The following MED27 variants were observed in gnomAD, a reference collection of about 807,000 sequenced individuals.
MED27 encodes mediator complex subunit 27.
MED27 carries 30 observed loss-of-function variants against 38.2 expected under a neutral mutation model. The ratio of observed to expected loss-of-function variants is 0.79; its 90% CI spans 0.59 to 1.07. The LOEUF (loss-of-function observed/expected upper bound fraction) is 1.07, where lower values mean the gene tolerates loss of function less well. Among genes scored for constraint, MED27 ranks in the 50% least tolerant of loss-of-function variants. The probability of loss-of-function intolerance (pLI) is 0.00; values close to 1 mark genes in which losing one functional copy is unlikely to be tolerated. For missense variants in MED27, 289 were observed against 397.5 expected, an observed-to-expected ratio of 0.73 and a Z score of 2.32; for synonymous variants, 122 against 153.5, an observed-to-expected ratio of 0.79 and a Z score of 1.52.
At chr9:131,915,742 T>G (rs757749097) in intron 4 of MED27, among the ~76,000 whole-genome samples, 1 of 152,176 alleles carries the variant, frequency 6.6e-6, no homozygotes, top group Non-Finnish European at 1.5e-5. Context: ...AATAGGCAAT[T>G]TTCATGGCAA....
chr9:132,053,249 G>A (rs148872013), intron 2 of MED27, among the ~76,000 whole-genome samples: 4,372 of 142,960 alleles, frequency 0.031, 209 homozygotes, highest in African/African-American at 0.1. Context: ...CGAGACTCCC[G>A]TCTCAAAAAA....
intron 3 of MED27, among the ~76,000 whole-genome samples, chr9:131,952,002 T>G (rs1471687528): frequency 6.6e-6 from 1 of 152,148 alleles, no homozygotes; most frequent in Admixed American, 6.5e-5. Flanking sequence ...AATGACCTAG[T>G]CAGGAAGTGA....
At chr9:131,885,387 C>G (rs1432568472) in intron 5 of MED27, among the ~76,000 whole-genome samples, 2 of 152,162 alleles carry the variant, frequency 1.3e-5, no homozygotes, top group Non-Finnish European at 2.9e-5. Context: ...TTTTGATATA[C>G]AGATTGCTCA....
chr9:132,032,252 A>G (rs1158080862), intron 2 of MED27: 3 of 152,206 alleles, frequency 2.0e-5, no homozygotes, highest in African/African-American at 7.2e-5. Flanking sequence ...AAGGCATTTT[A>G]AGTCTCATGA....
chr9:132,002,758 C>CA (rs1275801058), intron 3 of MED27, among the ~76,000 whole-genome samples: 6 of 151,354 alleles, frequency 4.0e-5, no homozygotes, highest in Non-Finnish European at 8.8e-5. Context: ...CTAAAAATAA[C>CA]AAAAAAATTG....
intron 4 of MED27, among the ~76,000 whole-genome samples, chr9:131,934,715 T>A (rs1368693205): frequency 6.6e-6 from 1 of 152,170 alleles, no homozygotes; most frequent in Non-Finnish European, 1.5e-5. Context: ...GCTGCATATA[T>A]ACCCAAAAGA....
At position 132,027,326 on chromosome 9, in the gene MED27, G is replaced by A. The variant is rs542445788; in HGVS notation, c.349-12859C>T. On this transcript the variant is annotated intron_variant, in intron 2 of 7. Coordinates refer to ENST00000292035, the MANE Select transcript of MED27 (RefSeq NM_004269.4). ...CTTAGAGACCAGAATGCAGCCCACCGCAGCCCAACTGCTCCAGCAGCTTCC... is the reference window on the plus strand; with the variant it reads ...CTTAGAGACCAGAATGCAGCCCACCACAGCCCAACTGCTCCAGCAGCTTCC... Among the ~76,000 whole-genome samples the A allele has an allele frequency of 1.5e-3, 235 of 152,328 alleles. 1 individual carries two copies. The highest frequency in any genetic ancestry group is 5.2e-3 in the African/African-American group (217 of 41,564).
At chr9:131,911,820 T>C (rs1201442795) in intron 4 of MED27, among the ~76,000 whole-genome samples, 3 of 152,158 alleles carry the variant, frequency 2.0e-5, no homozygotes, top group African/African-American at 7.2e-5. Flanking sequence ...TCTAGAAAAA[T>C]GTCACTCATC....
At chr9:131,864,079 G>A (rs778518252) in intron 6 of MED27, among the ~76,000 whole-genome samples, 3 of 152,168 alleles carry the variant, frequency 2.0e-5, no homozygotes, top group Admixed American at 6.5e-5. Flanking sequence ...AATGCCCGCC[G>A]TCAATCAGCA....
intron 4 of MED27, among the ~76,000 whole-genome samples, chr9:131,909,143 G>A (rs577483325): frequency 1.3e-5 from 2 of 152,268 alleles, no homozygotes; most frequent in East Asian, 3.9e-4. Context: ...GCAGGCTTCT[G>A]GTTTGAGCAC....
chr9:131,909,241 C>G (rs1431817838), intron 4 of MED27, among the ~76,000 whole-genome samples: 1 of 152,180 alleles, frequency 6.6e-6, no homozygotes, highest in Non-Finnish European at 1.5e-5. Context: ...GTTTAGGATA[C>G]TTTTGAAATA....
intron 2 of MED27, among the ~76,000 whole-genome samples, chr9:132,046,849 A>G (rs1833351693): frequency 6.6e-6 from 1 of 152,206 alleles, no homozygotes; most frequent in African/African-American, 2.4e-5. Flanking sequence ...TTTGTCACAA[A>G]TACAACTGTG....
intron 3 of MED27, among the ~76,000 whole-genome samples, chr9:131,999,427 A>T (rs558673605): frequency 1.6e-4 from 25 of 152,278 alleles, no homozygotes; most frequent in Admixed American, 4.6e-4. Context: ...CCGAAGGGTT[A>T]AAGACAAGGT....
intron 3 of MED27, among the ~76,000 whole-genome samples, chr9:132,000,359 G>A (rs1332628684): frequency 6.6e-6 from 1 of 152,092 alleles, no homozygotes; most frequent in Non-Finnish European, 1.5e-5. Flanking sequence ...AATGTCAAGT[G>A]CTGGTGGAAG....
chr9:132,072,832 G>C (rs2131168426), intron 2 of MED27, among the ~76,000 whole-genome samples: 1 of 152,146 alleles, frequency 6.6e-6, no homozygotes, highest in South Asian at 2.1e-4. Flanking sequence ...ACATGTAGCA[G>C]CTATATGGAG....
intron 3 of MED27, among the ~76,000 whole-genome samples, chr9:132,011,523 G>A (rs1178923889): frequency 1.3e-5 from 2 of 152,172 alleles, no homozygotes; most frequent in Non-Finnish European, 2.9e-5. Context: ...GCAATGGGGC[G>A]GGACGCAGTG....
chr9:131,930,600 T>C (rs974792362), intron 4 of MED27, among the ~76,000 whole-genome samples: 1 of 152,200 alleles, frequency 6.6e-6, no homozygotes, highest in African/African-American at 2.4e-5. Context: ...AGACCTTTCC[T>C]ATAAGGAATG....
chr9:132,038,886 G>A (rs545478345), intron 2 of MED27, among the ~76,000 whole-genome samples: 1 of 152,118 alleles, frequency 6.6e-6, no homozygotes, highest in Non-Finnish European at 1.5e-5. Flanking sequence ...GCAGGGCTTC[G>A]AACGGAGTGA....
At chr9:131,952,215 G>A (rs1831012074) in intron 3 of MED27, among the ~76,000 whole-genome samples, 1 of 152,226 alleles carries the variant, frequency 6.6e-6, no homozygotes, top group African/African-American at 2.4e-5. Flanking sequence ...GAAGCACGAG[G>A]CCAAGGGTCC....
Sources: gnomAD v4.1 joint callset for allele counts (sites outside exome capture counted in the v4.1 genomes callset) on GRCh38, gnomAD v4.1.1 for gene constraint, MANE v1.5 for transcripts, NCBI Gene and HGNC (gene_info 2026-07-23, HGNC 2026-07-21) for gene names.